Variants in PAPLN observed in about 807,000 individuals in gnomAD.
The protein encoded by PAPLN is papilin, proteoglycan like sulfated glycoprotein.
Under a neutral mutation model 159.0 loss-of-function variants are expected in PAPLN, and 146 were observed. The ratio of observed to expected loss-of-function variants is 0.92; its 90% CI spans 0.80 to 1.05. The LOEUF is 1.05. Among genes scored for constraint, PAPLN ranks in the 50% least tolerant of loss-of-function variants. The pLI is 0.00. For missense variants in PAPLN, 1,720 were observed against 1,743.9 expected (o/e 0.99, Z 0.24); for synonymous variants, 734 against 702.9 (o/e 1.04, Z -0.70).
In PAPLN at chr14:73,265,394, C is replaced by G; in HGVS notation, c.3150C>G (p.Pro1050=). 6.2e-7 allele frequency: 1 copy of G among 1,611,354 alleles called. No individual in the cohort carries two copies. Among genetic ancestry groups the G allele is most frequent in the African/African-American group, 1.3e-5 (1 of 75,064 alleles). ...GGCTGCGTTTGGACCAGAACCAGCC[C>G]CGGGTGGTGGATGCCAGTCCAGGCC... is the stretch of plus-strand genomic sequence containing the variant. ...ANRLRLDQNQ[P]RVVDASPGQR... is the part of the protein sequence containing the mutation. The change falls in exon 23 of 27, where the codon CCC becomes CCG. Residue 1050 remains proline, a synonymous_variant. Transcript: ENST00000644200. This position sits in a 1 kb window ranked among gnomAD's most constrained non-coding sequence, Gnocchi z 4.1.
chr14:73,264,528 C>A, intron 21 of PAPLN, 60 bp from the exon 22 acceptor site: 1 of 1,553,698 alleles, frequency 6.4e-7, no homozygotes. Context: ...CATGGCCCGC[C>A]CTTCCTTCCA....
At chr14:73,261,957 C>A in intron 18 of PAPLN, 1 of 203,078 alleles carries the variant, frequency 4.9e-6, no homozygotes, top group Non-Finnish European at 9.8e-6. Flanking sequence ...TCTTCACACG[C>A]CCTGGGTGGC....
chr14:73,254,445 T>C, intron 12 of PAPLN, 68 bp from the exon 13 acceptor site: 1 of 1,575,568 alleles, frequency 6.3e-7, no homozygotes, highest in East Asian at 2.2e-5. Flanking sequence ...GGTGGGCCGC[T>C]AGCTGTCCGA....
intron 26 of PAPLN, among the ~76,000 whole-genome samples, chr14:73,269,140 C>T (rs1382063080): frequency 2.0e-5 from 3 of 152,274 alleles, no homozygotes; most frequent in African/African-American, 4.8e-5. Context: ...ACTTTATGGC[C>T]GTTTGACCAT....
intron 13 of PAPLN, 86 bp downstream of exon 13, chr14:73,254,781 C>A: frequency 6.3e-7 from 1 of 1,589,016 alleles, no homozygotes; most frequent in Non-Finnish European, 8.6e-7. Context: ...GGACCTGACA[C>A]GCGCCACTGG....
intron 14 of PAPLN, among the ~76,000 whole-genome samples, chr14:73,257,794 C>T (rs984367231): frequency 8.2e-6 from 1 of 121,858 alleles, no homozygotes; most frequent in Non-Finnish European, 1.6e-5. Context: ...GACCTAGTCT[C>T]GCTCTGTCGC....
intron 23 of PAPLN, among the ~76,000 whole-genome samples, chr14:73,266,202 G>C (rs1887198890): frequency 6.6e-6 from 1 of 152,134 alleles, no homozygotes; most frequent in African/African-American, 2.4e-5. Flanking sequence ...GCCAGGCGTG[G>C]TGGCACATGC....
chr14:73,241,478 A>G (rs1479451126), intron 2 of PAPLN, among the ~76,000 whole-genome samples: 1 of 152,252 alleles, frequency 6.6e-6, no homozygotes, highest in Non-Finnish European at 1.5e-5. Flanking sequence ...AGAGGTTGTC[A>G]TGCAGATGAA....
At position 73,246,141 on chromosome 14, in the gene PAPLN, G is replaced by T; in HGVS notation, c.300G>T (p.Gln100His). 6.3e-7 allele frequency: 1 copy of T among 1,591,376 alleles called. No homozygotes were observed. The highest frequency in any genetic ancestry group is 8.5e-7 in the Non-Finnish European group (1 of 1,171,708). ...QCAEFDGAEF[Q>H]GRRYRWLPYY... ...CGGAGTTCGACGGAGCGGAGTTCCA[G>T]GGGCGGCGGTATCGGTGGCTGCCCT... Residue 100 changes from glutamine (Q) to histidine (H), a missense_variant, in exon 5 of 27, where the codon CAG becomes CAT. By Grantham distance (24) the Gln-to-His change is conservative. Coordinates refer to ENST00000644200, the MANE Select transcript of PAPLN (RefSeq NM_001365906.3).
Position 73,245,818 on chromosome 14 carries a change from G to A in PAPLN, c.231+122G>A, listed in dbSNP as rs895318976. The A allele has an allele frequency of 1.9e-5, 24 of 1,293,518 alleles. No individual in the cohort carries two copies. The African/African-American group carries it at 2.9e-4, about 16-fold the overall frequency. 80.1% of individuals were successfully genotyped at this position (1,293,518 alleles called of 1,614,324 possible). ...GGTTGGCCCAGCCTGGGGTCCTCCC[G>A]CCAATCCACAGCAGGGCTGCGTGGG... On this transcript the variant is annotated intron_variant, in intron 4 of 26. Transcript: ENST00000644200. This position sits in a 1 kb window ranked among gnomAD's most constrained non-coding sequence, Gnocchi z 4.2.
chr14:73,247,881 A>C, intron 5 of PAPLN, among the ~76,000 whole-genome samples: 1 of 77,138 alleles, frequency 1.3e-5, no homozygotes, highest in Non-Finnish European at 2.4e-5. Flanking sequence ...TGGGAGTCTC[A>C]TATCCTCCGT....
intron 6 of PAPLN, 41 bp from the exon 7 acceptor site, chr14:73,250,866 C>T (rs750557293): frequency 6.4e-6 from 10 of 1,569,202 alleles, no homozygotes; most frequent in Middle Eastern, 1.7e-4. Flanking sequence ...CTGATGTGGC[C>T]ATGATGCCGT....
chr14:73,242,777 C>T (rs1023131135), intron 2 of PAPLN: 1 of 152,348 alleles, frequency 6.6e-6, no homozygotes, highest in East Asian at 1.9e-4. Flanking sequence ...AAAGCTAAGA[C>T]CTCTCATCTG....
rs557156394 is a variant in PAPLN, at chr14:73,245,548, C to T, written c.171-88C>T. On this transcript the variant is annotated intron_variant, in intron 3 of 26. Transcript: ENST00000644200. The surrounding 1 kb of genome is among the most constrained non-coding windows in gnomAD (Gnocchi z 4.2). ...CCTTGCTGCTCCCACTGGAGAGTCC[C>T]GCAGAAGTTGGGGCCTGCAGAGAGC... 1.3e-5 allele frequency: 18 copies of T among 1,425,098 alleles called. No homozygotes were observed. The highest frequency in any genetic ancestry group is 1.1e-4 in the African/African-American group (8 of 70,598). The allele number at this position is 1,425,098 out of a possible 1,614,324, so 88.3% of individuals were successfully genotyped here. A position where few individuals can be genotyped will look rare whatever the true frequency, so the allele number is the denominator to read the frequency against.
intron 11 of PAPLN, chr14:73,253,364 T>A: frequency 1.3e-6 from 1 of 798,376 alleles, no homozygotes; most frequent in Non-Finnish European, 1.8e-6. Flanking sequence ...CTCTGGGTCC[T>A]TGCACCCGGG....
At chr14:73,271,494 T>C (rs1887714593) in intron 26 of PAPLN, among the ~76,000 whole-genome samples, 1 of 149,326 alleles carries the variant, frequency 6.7e-6, no homozygotes, top group Non-Finnish European at 1.5e-5. Flanking sequence ...GATGAAGCAG[T>C]AGAATGAAAT....
rs372137357 is a variant in PAPLN at position 73,254,973 on chromosome 14, G to A, written c.1582G>A (p.Val528Met). 6.2e-7 allele frequency: 1 copy of A among 1,613,702 alleles called. No homozygotes were observed. Among genetic ancestry groups the A allele is most frequent in the East Asian group, 2.2e-5 (1 of 44,892 alleles). The change falls in exon 14 of 27, where the codon GTG (valine) becomes ATG (methionine). Residue 528 changes from valine to methionine, a missense_variant. Physicochemically the swap from Val to Met is conservative, Grantham distance 21. Coordinates refer to ENST00000644200, the MANE Select transcript of PAPLN (RefSeq NM_001365906.3). ...CGGGAGCCTGCAGCACTCCAAGCCTGTGGATGTGGAGCCTTGTAACACGCA... is the reference window on the plus strand; with the variant it reads ...CGGGAGCCTGCAGCACTCCAAGCCTATGGATGTGGAGCCTTGTAACACGCA... ...HCGSLQHSKP[V>M]DVEPCNTQPC...
chr14:73,252,550 G>A, intron 10 of PAPLN, 99 bp from the exon 11 acceptor site: 2 of 1,462,402 alleles, frequency 1.4e-6, no homozygotes, highest in South Asian at 1.4e-5. Context: ...ACTGAATGGG[G>A]ATGACCTGTG....
intron 25 of PAPLN, among the ~76,000 whole-genome samples, chr14:73,267,074 G>C (rs1464412097): frequency 6.6e-6 from 1 of 152,210 alleles, no homozygotes; most frequent in African/African-American, 2.4e-5. Flanking sequence ...ACAGTTTGGA[G>C]CTGGTAAGTT....
Sources: allele counts gnomAD v4.1 joint callset (sites outside exome capture counted in the v4.1 genomes callset), GRCh38; gene constraint gnomAD v4.1.1; non-coding constraint Gnocchi (gnomAD v3.1); transcripts MANE v1.5; gene names NCBI Gene and HGNC (gene_info 2026-07-23, HGNC 2026-07-21).